The following PCNX1 variants were observed in gnomAD, a reference collection of about 807,000 sequenced individuals.
PCNX1 encodes the protein pecanex-like protein 1.
In PCNX1, 78 loss-of-function variants were observed where a neutral mutation model predicts 242.2. The ratio of observed to expected loss-of-function variants is 0.32; its 90% CI spans 0.27 to 0.39. The LOEUF (loss-of-function observed/expected upper bound fraction) is 0.39, where lower values mean the gene tolerates loss of function less well. PCNX1 is among the 10% of genes least tolerant of loss of function. The pLI, the probability that PCNX1 is intolerant of heterozygous loss-of-function variation, is 1.00. For missense variants in PCNX1, 2,581 were observed against 2,856.5 expected, an observed-to-expected ratio of 0.90 and a Z score of 2.20; for synonymous variants, 1,024 against 1,032.9, an observed-to-expected ratio of 0.99 and a Z score of 0.17.
chr14:70,995,934 G>A lies in PCNX1; in HGVS notation c.2629+9G>A, dbSNP rs1444941617. The A allele has an allele frequency of 1.9e-6, 3 of 1,605,850 alleles. No homozygotes were observed. The highest frequency in any genetic ancestry group is 1.3e-5 in the African/African-American group (1 of 74,888). On this transcript the variant is annotated intron_variant, in intron 8 of 35. Transcript: ENST00000304743. ...TTTGCACGATGAACTTGGTATGCAG[G>A]CCTTATGTAATCTTGATGATACAAA... is the stretch of plus-strand genomic sequence containing the variant.
intron 16 of PCNX1, among the ~76,000 whole-genome samples, chr14:71,032,322 T>C (rs2060411201): frequency 1.3e-5 from 2 of 152,260 alleles, no homozygotes; most frequent in African/African-American, 4.8e-5. Flanking sequence ...ATATTAACTT[T>C]CTTTTCAGTA....
At chr14:71,011,785 T>C (rs771589860) in intron 10 of PCNX1, 2 of 454,928 alleles carry the variant, frequency 4.4e-6, no homozygotes, top group Non-Finnish European at 7.8e-6. Flanking sequence ...AAAAGTGTTT[T>C]GGAAAGTATT....
chr14:71,011,637 A>G (rs1473308416), intron 10 of PCNX1, 88 bp downstream of exon 10: 4 of 819,444 alleles, frequency 4.9e-6, no homozygotes, highest in Non-Finnish European at 5.9e-6. Context: ...AAAGCCATAA[A>G]AATTGATGAA....
Position 70,991,203 on chromosome 14 carries a change from C to CTT in PCNX1, c.2444+2522_2444+2523dup, listed in dbSNP as rs1393062718. On this transcript the variant is annotated intron_variant, in intron 7 of 35. Coordinates refer to ENST00000304743, the MANE Select transcript of PCNX1 (RefSeq NM_014982.3). The stretch of plus-strand genomic sequence containing the variant: ...TTCAAATGAGGATGTTGTGTACTAC[C>CTT]TTTTTTTTTTTTTTTTTTTGAGACG... Among the ~76,000 whole-genome samples the CTT allele has an allele frequency of 2.1e-3, 266 of 124,294 alleles. 4 individuals are homozygous for CTT. Among genetic ancestry groups the CTT allele is most frequent in the East Asian group, 7.6e-3 (33 of 4,328 alleles). The allele number at this position is 124,294 out of a possible 152,430, so 81.5% of individuals were successfully genotyped here. A position where few individuals can be genotyped will look rare whatever the true frequency, so the allele number is the denominator to read the frequency against.
intron 10 of PCNX1, chr14:71,012,669 A>C (rs771499685): frequency 9.1e-5 from 29 of 318,156 alleles, no homozygotes; most frequent in Non-Finnish European, 1.4e-4. Context: ...GTCTCTACAA[A>C]AAATAGAAAA....
intron 19 of PCNX1, among the ~76,000 whole-genome samples, chr14:71,042,637 TTTTA>T (rs965619814): frequency 4.6e-5 from 7 of 152,246 alleles, no homozygotes; most frequent in African/African-American, 1.4e-4. Context: ...CAGAGTGTAT[TTTTA>T]TTTATTTATT....
At chr14:70,943,664 G>A (rs2057349450) in intron 1 of PCNX1, among the ~76,000 whole-genome samples, 1 of 152,208 alleles carries the variant, frequency 6.6e-6, no homozygotes, top group Non-Finnish European at 1.5e-5. Flanking sequence ...TAAGTAACGA[G>A]GAGCCAAATG....
At chr14:70,996,200 C>T (rs1023685462) in intron 8 of PCNX1, among the ~76,000 whole-genome samples, 18 of 151,528 alleles carry the variant, frequency 1.2e-4, no homozygotes, top group African/African-American at 3.2e-4. Flanking sequence ...TCTGTTTTTC[C>T]CAGGCATTTG....
At chr14:70,944,248 A>AG (rs2057375520) in intron 1 of PCNX1, among the ~76,000 whole-genome samples, 1 of 152,174 alleles carries the variant, frequency 6.6e-6, no homozygotes, top group East Asian at 1.9e-4. Flanking sequence ...GCCAGCCAGG[A>AG]GGGGAGCTGT....
chr14:70,970,594 A>C (rs1013525295), intron 5 of PCNX1, among the ~76,000 whole-genome samples: 2 of 152,158 alleles, frequency 1.3e-5, no homozygotes, highest in Admixed American at 1.3e-4. Flanking sequence ...TATACACACG[A>C]ATCTACCCTT....
At chr14:70,961,528 A>G (rs1191300277) in intron 2 of PCNX1, among the ~76,000 whole-genome samples, 1 of 152,190 alleles carries the variant, frequency 6.6e-6, no homozygotes, top group East Asian at 1.9e-4. Flanking sequence ...GTTATCTTTA[A>G]GTACTGTGTT....
At chr14:70,992,253 C>A (rs1566669754) in intron 7 of PCNX1, among the ~76,000 whole-genome samples, 2 of 151,940 alleles carry the variant, frequency 1.3e-5, no homozygotes, top group Non-Finnish European at 2.9e-5. Context: ...GGAATGAAAT[C>A]ATCAGTGCAT....
chr14:71,035,195 C>A (rs2060495179), intron 18 of PCNX1, among the ~76,000 whole-genome samples: 1 of 151,982 alleles, frequency 6.6e-6, no homozygotes, highest in African/African-American at 2.4e-5. Flanking sequence ...GCACTCCAGC[C>A]TGGGCAACAT....
intron 2 of PCNX1, among the ~76,000 whole-genome samples, chr14:70,954,539 T>A (rs1249535870): frequency 3.3e-5 from 5 of 152,200 alleles, no homozygotes; most frequent in African/African-American, 4.8e-5. Flanking sequence ...TTAGTCTTTT[T>A]AAATACCTTT....
chr14:70,977,894 T>A lies in PCNX1; in HGVS notation c.1557T>A (p.Asp519Glu). Residue 519 changes from aspartate to glutamate, a missense_variant, in exon 6 of 36, where the codon GAT (aspartate) becomes GAA (glutamate). Transcript: ENST00000304743. ...NTAENKEEKS[D>E]KSAVSVDSKV... ...CAGAAAACAAAGAAGAGAAGAGTGATAAGTCAGCTGTTTCTGTGGATTCCA... is the reference window on the plus strand; with the variant it reads ...CAGAAAACAAAGAAGAGAAGAGTGAAAAGTCAGCTGTTTCTGTGGATTCCA... 6.2e-7 allele frequency: 1 copy of A among 1,613,692 alleles called. No individual in the cohort carries two copies.
intron 5 of PCNX1, among the ~76,000 whole-genome samples, chr14:70,971,621 G>A (rs2058545004): frequency 6.6e-6 from 1 of 152,170 alleles, no homozygotes; most frequent in African/African-American, 2.4e-5. Flanking sequence ...CATACTGGTA[G>A]CAATCAACAT....
rs145807664 is a variant in PCNX1, at chr14:70,946,994, A to C, written c.233A>C (p.Asn78Thr). Residue 78 changes from asparagine (N) to threonine (T), a missense_variant, in exon 2 of 36, where the codon AAC (asparagine) becomes ACC (threonine). Physicochemically the swap from Asn to Thr is moderately conservative, Grantham distance 65. This residue lies in a region of PCNX1 where 1,204 missense variants were observed against 1,216.7 expected (regional missense o/e 0.99). Coordinates refer to ENST00000304743, the MANE Select transcript of PCNX1 (RefSeq NM_014982.3). ...AAVFIVLKMV[N>T]YRLHRALDAG... ...GTTTTCATTGTTCTGAAGATGGTCA[A>C]CTATCGACTACACAGAGCACTTGAT... 6.5e-4 allele frequency: 1,042 copies of C among 1,613,818 alleles called. 5 individuals carry two copies. In the African/African-American group the frequency reaches 0.013, roughly 20 times the overall value.
intron 1 of PCNX1, among the ~76,000 whole-genome samples, chr14:70,932,607 ATTTATT>A (rs914376845): frequency 3.3e-5 from 5 of 150,890 alleles, no homozygotes; most frequent in Non-Finnish European, 7.4e-5. Flanking sequence ...TTATTTATTT[ATTTATT>A]TTTATTTTTA....
chr14:71,105,335 G>A lies in PCNX1; in HGVS notation c.6196G>A (p.Ala2066Thr), dbSNP rs770609730. ...TSCTGNNATTANNPHSNVTQG... is the reference protein window; with the variant it reads ...TSCTGNNATTTNNPHSNVTQG... Reference sequence around the variant, plus strand: ...CTGCACTGGTAACAATGCAACAACTGCCAACAATCCCCACAGCAACGTGAC... The same window carrying A: ...CTGCACTGGTAACAATGCAACAACTACCAACAATCCCCACAGCAACGTGAC... Residue 2066 changes from alanine (A) to threonine (T), a missense_variant, in exon 33 of 36, where the codon GCC (alanine) becomes ACC (threonine). This residue lies in a region of PCNX1 where 432 missense variants were observed against 433.6 expected (regional missense o/e 1.00). Transcript: ENST00000304743. The A allele has an allele frequency of 1.2e-5, 19 of 1,613,880 alleles. No individual in the cohort carries two copies. In the East Asian group the frequency reaches 4.2e-4, roughly 36 times the overall value.
Sources: gnomAD v4.1 joint callset for allele counts (sites outside exome capture counted in the v4.1 genomes callset) on GRCh38, gnomAD v4.1.1 for gene constraint, gnomAD v4.1.1 regional missense constraint, MANE v1.5 for transcripts, NCBI Gene and HGNC (gene_info 2026-07-23, HGNC 2026-07-21) for gene names.